NEDD4L: variants seen among roughly 807,000 people sequenced by gnomAD.
The protein encoded by NEDD4L is E3 ubiquitin-protein ligase NEDD4-like.
A neutral mutation model predicts 148.9 loss-of-function variants in NEDD4L; 54 were observed. The observed-to-expected ratio is 0.36, with a 90% CI of 0.29 to 0.45. NEDD4L has a LOEUF of 0.45. NEDD4L is among the 20% of genes least tolerant of loss of function. The pLI is 1.00. For synonymous variants in NEDD4L, 433 were observed against 440.7 expected, an observed-to-expected ratio of 0.98 and a Z score of 0.22; for missense variants, 856 against 1,233.8, an observed-to-expected ratio of 0.69 and a Z score of 4.59.
At chr18:58,370,535 G>C (rs2046721916) in intron 23 of NEDD4L, 68 bp downstream of exon 23, 2 of 1,041,014 alleles carry the variant, frequency 1.9e-6, no homozygotes, top group African/African-American at 3.1e-5. Context: ...GTATTGGAGA[G>C]CCATATTTGT....
chr18:58,265,752 G>A (rs2050124769), intron 5 of NEDD4L, among the ~76,000 whole-genome samples: 1 of 151,936 alleles, frequency 6.6e-6, no homozygotes, highest in Non-Finnish European at 1.5e-5. Flanking sequence ...TTGTAGAGAT[G>A]GGGGTCTTAC....
At chr18:58,084,142 A>G (rs550848686) in intron 1 of NEDD4L, among the ~76,000 whole-genome samples, 1 of 152,320 alleles carries the variant, frequency 6.6e-6, no homozygotes, top group East Asian at 1.9e-4. Context: ...ACAAAAGACC[A>G]CATATTGTGT....
At chr18:58,189,700 G>T (rs1447675492) in intron 2 of NEDD4L, 2 of 152,238 alleles carry the variant, frequency 1.3e-5, no homozygotes, top group Non-Finnish European at 2.9e-5. Flanking sequence ...GAACTCGTCT[G>T]TTGTAACTAA....
At chr18:58,258,018 G>A (rs896901227) in intron 5 of NEDD4L, among the ~76,000 whole-genome samples, 3 of 152,142 alleles carry the variant, frequency 2.0e-5, no homozygotes, top group Non-Finnish European at 4.4e-5. Context: ...AATAAGTTTC[G>A]TCTTTCAAGT....
rs367730000 is a variant in NEDD4L at position 58,124,385 on chromosome 18, C to T, written c.49-41403C>T. Among the ~76,000 whole-genome samples the T allele has an allele frequency of 6.6e-5, 10 of 152,306 alleles. No individual in the cohort carries two copies. The East Asian group carries it at 1.5e-3, about 24-fold the overall frequency. On this transcript the variant is annotated intron_variant, in intron 1 of 30. Transcript: ENST00000400345. ...GTGTGGCATGTTGTCTGTTCCTCCC[C>T]GGCCTCCTCGATGGCTCCTCCTTGG...
intron 6 of NEDD4L, among the ~76,000 whole-genome samples, chr18:58,317,576 C>CT (rs1339458842): frequency 6.6e-6 from 1 of 152,170 alleles, no homozygotes; most frequent in East Asian, 1.9e-4. Flanking sequence ...CTGACAAGCT[C>CT]TTTTTTGAGT....
chr18:58,338,967 A>C (rs1482933510), intron 13 of NEDD4L, among the ~76,000 whole-genome samples: 1 of 152,202 alleles, frequency 6.6e-6, no homozygotes, highest in Non-Finnish European at 1.5e-5. Context: ...CAGCTTTAGG[A>C]TTCAGTTCTG....
chr18:58,045,293 G>C (rs1454976846), intron 1 of NEDD4L: 1 of 396,690 alleles, frequency 2.5e-6, no homozygotes, highest in Non-Finnish European at 4.4e-6. Flanking sequence ...GTGGATTTCG[G>C]AGCCTCGGTG....
intron 27 of NEDD4L, 47 bp from the exon 28 acceptor site, chr18:58,389,038 C>G (rs199859985): frequency 3.4e-6 from 5 of 1,492,234 alleles, no homozygotes; most frequent in African/African-American, 1.4e-5. Context: ...TGTGTGATCT[C>G]GCACCTTTCA....
chr18:58,210,003 T>TA (rs930214630), intron 2 of NEDD4L, among the ~76,000 whole-genome samples: 1 of 151,812 alleles, frequency 6.6e-6, no homozygotes, highest in African/African-American at 2.4e-5. Flanking sequence ...CCATCCATAC[T>TA]AAAAAAATAC....
At chr18:58,291,118 A>AC (rs1269126015) in intron 5 of NEDD4L, among the ~76,000 whole-genome samples, 1 of 150,342 alleles carries the variant, frequency 6.7e-6, no homozygotes, top group Non-Finnish European at 1.5e-5. Flanking sequence ...AGGCCGACCG[A>AC]CCCACGTGGT....
At chr18:58,182,517 T>TC (rs1364048399) in intron 2 of NEDD4L, among the ~76,000 whole-genome samples, 1 of 147,898 alleles carries the variant, frequency 6.8e-6, no homozygotes, top group Non-Finnish European at 1.5e-5. Context: ...ACCTTTTTTT[T>TC]TTTTTTTTTT....
At chr18:58,201,295 T>C (rs557977340) in intron 2 of NEDD4L, among the ~76,000 whole-genome samples, 1 of 152,174 alleles carries the variant, frequency 6.6e-6, no homozygotes, top group Non-Finnish European at 1.5e-5. Flanking sequence ...ATCACGCCAC[T>C]GTACTCCAGC....
intron 5 of NEDD4L, among the ~76,000 whole-genome samples, chr18:58,263,210 A>C (rs80207323): frequency 0.018 from 2,749 of 152,290 alleles, 86 homozygotes; most frequent in African/African-American, 0.063. Flanking sequence ...TGTTTGTTTT[A>C]ATGTTAAGCA....
chr18:58,256,272 C>T lies in NEDD4L; in HGVS notation c.297+4218C>T. On this transcript the variant is annotated intron_variant, in intron 5 of 30. Transcript: ENST00000400345. This position sits in a 1 kb window ranked among gnomAD's most constrained non-coding sequence, Gnocchi z 5.2. ...CAGGTGAGGCTGCTGCCCCTGGGCC[C>T]CGATGGCCAGGGCGGCCCGGCCGCG... 1 of 1,231,244 alleles carries T rather than the reference C, an allele frequency of 8.1e-7. No individual in the cohort carries two copies. 76.3% of individuals were successfully genotyped at this position (1,231,244 alleles called of 1,614,324 possible).
Position 58,127,676 on chromosome 18 carries a change from T to TA in NEDD4L, c.49-38106dup, listed in dbSNP as rs1450618892. Among the ~76,000 whole-genome samples the TA allele has an allele frequency of 3.3e-5, 5 of 151,924 alleles. No individual in the cohort carries two copies. The East Asian group carries it at 7.8e-4, about 24-fold the overall frequency. On this transcript the variant is annotated intron_variant, in intron 1 of 30. Coordinates refer to ENST00000400345, the MANE Select transcript of NEDD4L (RefSeq NM_001144967.3). Reference sequence around the variant, plus strand: ...TAACACAGTGAAACCCCATCTCTACTAAAAAATACCAAAAATTAGCTGGGC... The same window carrying TA: ...TAACACAGTGAAACCCCATCTCTACTAAAAAAATACCAAAAATTAGCTGGGC...
chr18:58,279,283 T>C (rs1037284584), intron 5 of NEDD4L, among the ~76,000 whole-genome samples: 1 of 152,124 alleles, frequency 6.6e-6, no homozygotes, highest in Non-Finnish European at 1.5e-5. Flanking sequence ...ACCAAAAAGA[T>C]AATGCACATG....
chr18:58,095,208 T>G (rs1218988719), intron 1 of NEDD4L, among the ~76,000 whole-genome samples: 1 of 152,202 alleles, frequency 6.6e-6, no homozygotes, highest in African/African-American at 2.4e-5. Flanking sequence ...CTGGGCTGCT[T>G]AGTATTTATT....
chr18:58,093,910 C>T (rs2084221879), intron 1 of NEDD4L, among the ~76,000 whole-genome samples: 1 of 152,172 alleles, frequency 6.6e-6, no homozygotes, highest in Non-Finnish European at 1.5e-5. Context: ...CCACTGAATG[C>T]TAGAGCAAGA....
Sources: gnomAD v4.1 joint callset for allele counts (sites outside exome capture counted in the v4.1 genomes callset) on GRCh38, gnomAD v4.1.1 for gene constraint, Gnocchi (gnomAD v3.1) non-coding constraint, MANE v1.5 for transcripts, NCBI Gene and HGNC (gene_info 2026-07-23, HGNC 2026-07-21) for gene names.